The following LRRIQ1 variants were observed in gnomAD, a reference collection of about 807,000 sequenced individuals.
LRRIQ1 encodes leucine rich repeats and IQ motif containing 1, also known as leucine-rich repeat- and IQ domain-containing protein 1.
Under a neutral mutation model 211.9 loss-of-function variants are expected in LRRIQ1, and 210 were observed. The ratio of observed to expected loss-of-function variants is 0.99; its 90% CI spans 0.89 to 1.11. LRRIQ1 has a LOEUF of 1.11. Among genes scored for constraint, LRRIQ1 ranks in the 50% most tolerant of loss-of-function variants. The pLI is 0.00. For missense variants in LRRIQ1, 2,136 were observed against 1,939.5 expected (o/e 1.10, Z -1.90); for synonymous variants, 699 against 650.1 (o/e 1.08, Z -1.14).
At chr12:85,090,846 A>T (rs1483490459) in intron 11 of LRRIQ1, among the ~76,000 whole-genome samples, 1 of 152,146 alleles carries the variant, frequency 6.6e-6, no homozygotes, top group African/African-American at 2.4e-5. Context: ...TGTGAGAAGG[A>T]CATGATATTT....
chr12:85,248,911 T>C (rs998806326), downstream of LRRIQ1, among the ~76,000 whole-genome samples: 3 of 151,724 alleles, frequency 2.0e-5, no homozygotes, highest in Admixed American at 1.3e-4. Context: ...GTAAGTAATA[T>C]AAGGTTGGAT....
chr12:85,068,918 CTTATTTAT>C lies in LRRIQ1; in HGVS notation c.2695+2036_2695+2043del, dbSNP rs534816604. Among the ~76,000 whole-genome samples the C allele has an allele frequency of 2.7e-3, 401 of 149,854 alleles. 4 individuals are homozygous for C. Among genetic ancestry groups the C allele is most frequent in the African/African-American group, 9.5e-3 (389 of 41,004 alleles). ...ATTGTTTCATTAAGCCCTGTATTTT[CTTATTTAT>C]TTATTTATTTATTTAATTTTATTAT... On this transcript the variant is annotated intron_variant, in intron 10 of 26. Coordinates refer to ENST00000393217, the MANE Select transcript of LRRIQ1 (RefSeq NM_001079910.2).
chr12:85,041,270 T>C (rs1261124997), intron 3 of LRRIQ1, among the ~76,000 whole-genome samples: 3 of 151,878 alleles, frequency 2.0e-5, no homozygotes, highest in East Asian at 3.8e-4. Flanking sequence ...TGCTTTGTGA[T>C]AGAATGTGTT....
At position 85,115,623 on chromosome 12, in the gene LRRIQ1, G is replaced by A. The variant is rs569066919; in HGVS notation, c.3378-6074G>A. ...AATTGTTCCCCATACCTGAAATATT[G>A]GATGTAATATTTATATCAGCATCTA... On this transcript the variant is annotated intron_variant, in intron 15 of 26. Transcript: ENST00000393217. Among the ~76,000 whole-genome samples the A allele has an allele frequency of 2.6e-5, 4 of 152,040 alleles. No homozygotes were observed. The South Asian group carries it at 6.2e-4, about 24-fold the overall frequency.
intron 1 of LRRIQ1, among the ~76,000 whole-genome samples, chr12:85,250,845 T>G (rs866014610): frequency 9.0e-6 from 1 of 110,836 alleles, no homozygotes; most frequent in Non-Finnish European, 1.7e-5. Context: ...TATATTATAT[T>G]ATATATAATA....
chr12:85,169,085 C>G (rs1891287751), intron 24 of LRRIQ1, among the ~76,000 whole-genome samples: 1 of 152,128 alleles, frequency 6.6e-6, no homozygotes, highest in South Asian at 2.1e-4. Flanking sequence ...GTACAAGGCA[C>G]TGTTCTAAGT....
intron 24 of LRRIQ1, among the ~76,000 whole-genome samples, chr12:85,213,078 A>G (rs78419565): frequency 0.02 from 2,992 of 151,940 alleles, 98 homozygotes; most frequent in African/African-American, 0.069. Flanking sequence ...TTATTTCTAG[A>G]TTTTAAAAAA....
At position 85,198,619 on chromosome 12, in the gene LRRIQ1, G is replaced by A. The variant is rs186642232; in HGVS notation, c.4823-30898G>A. Among the ~76,000 whole-genome samples, 417 of 151,482 alleles carry A rather than the reference G, an allele frequency of 2.8e-3. 11 individuals are homozygous for A. The highest frequency in any genetic ancestry group is 0.025 in the Admixed American group (385 of 15,174). On this transcript the variant is annotated intron_variant, in intron 24 of 26. Coordinates refer to ENST00000393217, the MANE Select transcript of LRRIQ1 (RefSeq NM_001079910.2). ...GTCTCGCTCTGTTTCCCAGGCTGGA[G>A]TGCAGTGGTGCTATCTCAGCTCACT... is the stretch of plus-strand genomic sequence containing the variant.
chr12:85,132,056 T>C (rs1394162975), intron 18 of LRRIQ1, among the ~76,000 whole-genome samples: 1 of 152,062 alleles, frequency 6.6e-6, no homozygotes, highest in Non-Finnish European at 1.5e-5. Context: ...ACACACATGC[T>C]ATGTATTTTA....
At chr12:85,202,084 A>G (rs2660463) in intron 24 of LRRIQ1, among the ~76,000 whole-genome samples, 73,980 of 151,792 alleles carry the variant, frequency 0.49, 21,839 homozygotes, top group African/African-American at 0.84. Context: ...GTAATTATGT[A>G]ATTTTGAGTG....
At chr12:85,254,095 C>T (rs925217326) in intron 1 of LRRIQ1, among the ~76,000 whole-genome samples, 1 of 151,898 alleles carries the variant, frequency 6.6e-6, no homozygotes, top group Non-Finnish European at 1.5e-5. Context: ...TAGCACCTAC[C>T]CCCTTGCTCT....
In LRRIQ1 at chr12:85,152,305, C is replaced by T. The variant is rs1394947060; in HGVS notation, c.4355C>T (p.Ala1452Val). The T allele has an allele frequency of 6.2e-7, 1 of 1,611,116 alleles. No homozygotes were observed. The highest frequency in any genetic ancestry group is 8.5e-7 in the Non-Finnish European group (1 of 1,178,240). Residue 1452 changes from alanine to valine, a missense_variant, in exon 20 of 27, where the codon GCA becomes GTA. Ala to Val is a moderately conservative substitution (Grantham distance 64). Coordinates refer to ENST00000393217, the MANE Select transcript of LRRIQ1 (RefSeq NM_001079910.2). The part of the protein sequence containing the change: ...DEAALEEEWL[A>V]LDSTRFPSQT... ...GCTGCCTTAGAAGAAGAATGGCTAG[C>T]ATTAGATTCCACCCGCTTCCCTTCA...
At chr12:85,123,530 A>T (rs1460942725) in intron 16 of LRRIQ1, among the ~76,000 whole-genome samples, 1 of 152,122 alleles carries the variant, frequency 6.6e-6, no homozygotes, top group Admixed American at 6.5e-5. Context: ...TAGAAATCCA[A>T]TCATTGTTCA....
intron 2 of LRRIQ1, 69 bp from the exon 3 acceptor site, chr12:85,040,421 G>T: frequency 1.1e-6 from 1 of 874,242 alleles, no homozygotes; most frequent in South Asian, 2.1e-5. Context: ...GGAATGAAGG[G>T]TCCAAAATTT....
At chr12:85,267,649 A>G (rs757409651), downstream of LRRIQ1, among the ~76,000 whole-genome samples, 6 of 152,000 alleles carry the variant, frequency 3.9e-5, no homozygotes, top group South Asian at 4.1e-4. Flanking sequence ...CTTTCTCCAC[A>G]TTATTCAAAT....
At chr12:85,119,632 G>A (rs761578333) in intron 15 of LRRIQ1, among the ~76,000 whole-genome samples, 1 of 152,110 alleles carries the variant, frequency 6.6e-6, no homozygotes, top group Admixed American at 6.5e-5. Flanking sequence ...CACCAGCAAC[G>A]AATGTGAGTT....
chr12:85,264,495 T>G (rs11829796), downstream of LRRIQ1: 1 of 152,092 alleles, frequency 6.6e-6, no homozygotes, highest in Non-Finnish European at 1.5e-5. Context: ...TAGTGCTGTT[T>G]ATTGTGTTCA....
intron 6 of LRRIQ1, chr12:85,048,558 C>CAAAAAAAAAAAAAAAAAAA (rs35906760): frequency 1.3e-5 from 1 of 77,956 alleles, no homozygotes; most frequent in African/African-American, 5.3e-5. Flanking sequence ...GACTCCGTCT[C>CAAAAAAAAAAAAAAAAAAA]AAAAAAAAAA....
intron 18 of LRRIQ1, among the ~76,000 whole-genome samples, chr12:85,131,940 G>A (rs1305691787): frequency 2.0e-5 from 3 of 152,154 alleles, no homozygotes; most frequent in Non-Finnish European, 4.4e-5. Context: ...ATGTTTACAT[G>A]ACCATTATTT....
Sources: allele counts gnomAD v4.1 joint callset (sites outside exome capture counted in the v4.1 genomes callset), GRCh38; gene constraint gnomAD v4.1.1; transcripts MANE v1.5; gene names NCBI Gene and HGNC (gene_info 2026-07-23, HGNC 2026-07-21).